Variants in OVCH1 observed in about 807,000 individuals in gnomAD.
OVCH1 encodes the protein ovochymase 1.
OVCH1 carries 139 observed loss-of-function variants against 138.4 expected under a neutral mutation model. The observed-to-expected ratio is 1.00, with a 90% CI of 0.87 to 1.16. The LOEUF is 1.16. Ranked by LOEUF, OVCH1 falls within the 50% of genes most tolerant of loss-of-function variation. The probability of loss-of-function intolerance (pLI) is 0.00; values close to 1 mark genes in which losing one functional copy is unlikely to be tolerated. For missense variants in OVCH1, 1,367 were observed against 1,357.9 expected (o/e 1.01, Z -0.11); for synonymous variants, 453 against 467.8 (o/e 0.97, Z 0.41).
chr12:29,496,436 G>A, intron 2 of OVCH1, 120 bp downstream of exon 2: 1 of 1,126,506 alleles, frequency 8.9e-7, no homozygotes, highest in Non-Finnish European at 1.3e-6. Context: ...TAAACTTTTT[G>A]GTAGAGAGCT....
intron 3 of OVCH1, among the ~76,000 whole-genome samples, chr12:29,413,205 C>T (rs891629725): frequency 2.0e-5 from 3 of 152,038 alleles, no homozygotes; most frequent in African/African-American, 4.8e-5. Context: ...CCAGAAAATA[C>T]TATCTATTAC....
rs117893886 is a variant in OVCH1 at position 29,464,710 on chromosome 12, G to A, written c.1930-8C>T. 0.027 allele frequency: 43,275 copies of A among 1,600,040 alleles called. 665 individuals carry two copies. The highest frequency in any genetic ancestry group is 0.033 in the Middle Eastern group (197 of 5,972). On this transcript the variant is annotated splice_polypyrimidine_tract_variant and splice_region_variant and intron_variant, in intron 17 of 27. Transcript: ENST00000318184. ...GTGTTTGGCCCTTCTCACCTGTATC[G>A]GTGGCAAGTAAGCAAATTACAACGT...
intron 9 of OVCH1, among the ~76,000 whole-genome samples, chr12:29,478,224 A>G (rs927287611): frequency 4.6e-5 from 7 of 152,208 alleles, no homozygotes; most frequent in African/African-American, 1.7e-4. Context: ...ACATGAAATG[A>G]TCAATTGTGT....
At chr12:29,434,019 TTCTC>T (rs60058137) in intron 26 of OVCH1, among the ~76,000 whole-genome samples, 33,943 of 151,994 alleles carry the variant, frequency 0.22, 4,310 homozygotes, top group Admixed American at 0.39. Flanking sequence ...TGGCAAATGT[TTCTC>T]TATGATATCC....
At chr12:29,486,304 T>C (rs569912871) in exon 8 of OVCH1, 5 of 1,613,894 alleles carry the variant, frequency 3.1e-6, no homozygotes, top group East Asian at 2.2e-5. Context: ...GCCTTTGTTA[T>C]ATACCTTGAG....
At chr12:29,443,499 A>G in exon 25 of OVCH1, 1 of 1,597,376 alleles carries the variant, frequency 6.3e-7, no homozygotes, top group South Asian at 1.1e-5. Context: ...CTCCATTGGC[A>G]ACTATGGCAT....
At chr12:29,432,791 C>T (rs1421148340) in intron 27 of OVCH1, among the ~76,000 whole-genome samples, 1 of 152,052 alleles carries the variant, frequency 6.6e-6, no homozygotes, top group Non-Finnish European at 1.5e-5. Context: ...GAGGAAAAAC[C>T]AGCCAAGACT....
At chr12:29,488,913 C>A (rs1055502438) in intron 6 of OVCH1, among the ~76,000 whole-genome samples, 4 of 152,126 alleles carry the variant, frequency 2.6e-5, no homozygotes, top group Admixed American at 6.5e-5. Flanking sequence ...CTCCTCCCTC[C>A]CAAACTCCTG....
chr12:29,419,471 T>A (rs1453521071), intron 3 of OVCH1, among the ~76,000 whole-genome samples: 1 of 151,624 alleles, frequency 6.6e-6, no homozygotes, highest in Non-Finnish European at 1.5e-5. Context: ...TTTTTTTTAA[T>A]TTTTAGTAGA....
At chr12:29,439,357 A>G in exon 26 of OVCH1, 4 of 1,581,420 alleles carry the variant, frequency 2.5e-6, no homozygotes, top group Non-Finnish European at 3.4e-6. Context: ...TGCATGATAT[A>G]TGTGTTAATA....
intron 21 of OVCH1, among the ~76,000 whole-genome samples, chr12:29,453,787 C>A (rs1184916951): frequency 1.3e-5 from 2 of 152,086 alleles, no homozygotes. Flanking sequence ...TACCCTCTAC[C>A]TACTCTGCAT....
intron 1 of OVCH1, 94 bp downstream of exon 1, chr12:29,497,529 A>T (rs1218242499): frequency 2.8e-6 from 4 of 1,452,704 alleles, no homozygotes; most frequent in Non-Finnish European, 3.8e-6. Flanking sequence ...TGGCTATACC[A>T]CCCCGACTTC....
At chr12:29,407,066 G>C in the OVCH1 span, among the ~76,000 whole-genome samples, 1 of 152,050 alleles carries the variant, frequency 6.6e-6, no homozygotes, top group African/African-American at 2.4e-5. Context: ...GTGATGATGA[G>C]TATTTTTTCA....
downstream of OVCH1, among the ~76,000 whole-genome samples, chr12:29,410,083 G>C (rs1940933862): frequency 6.6e-6 from 1 of 151,672 alleles, no homozygotes; most frequent in African/African-American, 2.4e-5. Flanking sequence ...TGTCTCTTTT[G>C]ATCTTTGTTG....
chr12:29,443,553 T>G, intron 24 of OVCH1, 53 bp from the exon 25 acceptor site: 2 of 1,462,446 alleles, frequency 1.4e-6, no homozygotes, highest in East Asian at 2.4e-5. Context: ...GAATATATTG[T>G]TAGTTATTTT....
intron 3 of OVCH1, among the ~76,000 whole-genome samples, chr12:29,414,624 C>T (rs1032084980): frequency 1.3e-5 from 2 of 152,086 alleles, no homozygotes; most frequent in African/African-American, 4.8e-5. Context: ...ACTTACAGTC[C>T]ACCCAACTAT....
chr12:29,407,324 G>A, the OVCH1 span, among the ~76,000 whole-genome samples: 2 of 132,844 alleles, frequency 1.5e-5, no homozygotes, highest in African/African-American at 2.5e-5. Flanking sequence ...GATCCCATTC[G>A]TCAATTTTGG....
At chr12:29,412,258 C>G (rs1199812349), downstream of OVCH1, among the ~76,000 whole-genome samples, 1 of 152,168 alleles carries the variant, frequency 6.6e-6, no homozygotes, top group Non-Finnish European at 1.5e-5. Context: ...CTTGCACTTC[C>G]CGAGTGAGGC....
intron 25 of OVCH1, among the ~76,000 whole-genome samples, chr12:29,440,148 C>G (rs1036626284): frequency 7.9e-5 from 12 of 152,166 alleles, no homozygotes; most frequent in Admixed American, 2.0e-4. Context: ...CTTCTGATCA[C>G]AGGATTTGTT....
Sources: gnomAD v4.1 joint callset for allele counts (sites outside exome capture counted in the v4.1 genomes callset) on GRCh38, gnomAD v4.1.1 for gene constraint, MANE v1.5 for transcripts, NCBI Gene and HGNC (gene_info 2026-07-23, HGNC 2026-07-21) for gene names.